Variants in CORO2A observed in about 807,000 individuals in gnomAD.
The protein encoded by CORO2A is coronin-2A.
Under a neutral mutation model 62.4 loss-of-function variants are expected in CORO2A, and 47 were observed. The observed-to-expected ratio is 0.75, with a 90% CI of 0.60 to 0.96. The LOEUF (loss-of-function observed/expected upper bound fraction) is 0.96. Ranked by LOEUF, CORO2A falls within the 40% of genes least tolerant of loss-of-function variation. CORO2A has a pLI of 0.00. For synonymous variants in CORO2A, 273 were observed against 268.9 expected (o/e 1.02, Z -0.15); for missense variants, 610 against 684.1 (o/e 0.89, Z 1.21).
At chr9:98,187,237 C>T (rs556509155) in intron 1 of CORO2A, among the ~76,000 whole-genome samples, 8 of 138,054 alleles carry the variant, frequency 5.8e-5, no homozygotes, top group East Asian at 4.4e-4. Flanking sequence ...GAGCCGAGAT[C>T]GTGCTGCTGC....
chr9:98,144,456 A>G (rs1006850012), intron 2 of CORO2A, among the ~76,000 whole-genome samples: 2 of 152,174 alleles, frequency 1.3e-5, no homozygotes, highest in Admixed American at 6.5e-5. Context: ...CATGGTTATC[A>G]TCATCATCAT....
chr9:98,157,690 G>A, intron 1 of CORO2A, 30 bp from the exon 2 acceptor site: 1 of 1,582,924 alleles, frequency 6.3e-7, no homozygotes, highest in East Asian at 2.2e-5. Flanking sequence ...CAAAGGGTAT[G>A]AGGCTCACTG....
intron 2 of CORO2A, among the ~76,000 whole-genome samples, chr9:98,150,583 C>T (rs1827709882): frequency 6.6e-6 from 1 of 152,194 alleles, no homozygotes; most frequent in Non-Finnish European, 1.5e-5. Context: ...CACTCTATCA[C>T]ATCACACCAA....
chr9:98,189,921 G>C (rs1406764000), intron 1 of CORO2A, among the ~76,000 whole-genome samples: 1 of 150,278 alleles, frequency 6.7e-6, no homozygotes, highest in East Asian at 1.9e-4. Flanking sequence ...GTCTCGCTCT[G>C]TCGCCCAGGC....
At chr9:98,187,992 A>G (rs2118947163) in intron 1 of CORO2A, among the ~76,000 whole-genome samples, 1 of 152,318 alleles carries the variant, frequency 6.6e-6, no homozygotes, top group Middle Eastern at 3.4e-3. Context: ...GCTCCGTCAT[A>G]CACTCGCAGG....
intron 8 of CORO2A, among the ~76,000 whole-genome samples, chr9:98,129,539 G>C (rs1174698823): frequency 6.6e-6 from 1 of 152,080 alleles, no homozygotes; most frequent in Non-Finnish European, 1.5e-5. Flanking sequence ...TCTCTCCCCT[G>C]CTGGGCTCTG....
Position 98,129,877 on chromosome 9 carries a change from A to G in CORO2A, c.884T>C (p.Ile295Thr). Residue 295 changes from isoleucine (I) to threonine (T), a missense_variant, in exon 8 of 12, where the codon ATC becomes ACC. Coordinates refer to ENST00000375077, the MANE Select transcript of CORO2A (RefSeq NM_052820.4). Reference sequence around the variant, plus strand: ...GTCGGCGCTCACCTCGTAGTAGCGGATGTTGCCATCTCCCTGAGGAGGAGG... The same window carrying G: ...GTCGGCGCTCACCTCGTAGTAGCGGGTGTTGCCATCTCCCTGAGGAGGAGG... ...LYVVGKGDGN[I>T]RYYEVSADKP... 1 of 1,613,778 alleles carries G rather than the reference A, an allele frequency of 6.2e-7. No homozygotes were observed. Among genetic ancestry groups the G allele is most frequent in the Non-Finnish European group, 8.5e-7 (1 of 1,179,798 alleles).
chr9:98,169,336 C>A (rs996154812), intron 1 of CORO2A, among the ~76,000 whole-genome samples: 3 of 152,076 alleles, frequency 2.0e-5, no homozygotes, highest in African/African-American at 7.2e-5. Context: ...TGAGGGAGTG[C>A]CTCCTCCCCA....
intron 2 of CORO2A, among the ~76,000 whole-genome samples, chr9:98,150,961 A>C (rs556150467): frequency 4.6e-5 from 7 of 152,284 alleles, no homozygotes; most frequent in African/African-American, 1.7e-4. Flanking sequence ...CCACTTCCTT[A>C]GGGTACTTCC....
At chr9:98,181,685 C>G (rs752457000) in intron 1 of CORO2A, among the ~76,000 whole-genome samples, 7 of 152,142 alleles carry the variant, frequency 4.6e-5, no homozygotes, top group Non-Finnish European at 1.0e-4. Flanking sequence ...TTTGGCAAGG[C>G]TGTTTCTCCT....
At chr9:98,142,345 C>G (rs1233567279) in intron 2 of CORO2A, among the ~76,000 whole-genome samples, 1 of 152,230 alleles carries the variant, frequency 6.6e-6, no homozygotes, top group African/African-American at 2.4e-5. Flanking sequence ...CCTCTGGTTC[C>G]CCAAGTGTGA....
rs1472764506 is a variant in CORO2A, at chr9:98,148,111, G to A, written c.201+9349C>T. ...AAAAAAAAAAAGAAAAAAAAAAAAA[G>A]AGGCCAGGCAAGGTGGTTCATGTCT... On this transcript the variant is annotated intron_variant, in intron 2 of 11. Transcript: ENST00000375077. Among the ~76,000 whole-genome samples, 18 of 140,480 alleles carry A rather than the reference G, an allele frequency of 1.3e-4. No homozygotes were observed. The East Asian group carries it at 3.3e-3, about 26-fold the overall frequency. The allele number at this position is 140,480 out of a possible 152,430, so 92.2% of individuals were successfully genotyped here. A position where few individuals can be genotyped will look rare whatever the true frequency, so the allele number is the denominator to read the frequency against.
At chr9:98,166,471 G>T (rs1330317055) in intron 1 of CORO2A, among the ~76,000 whole-genome samples, 4 of 152,202 alleles carry the variant, frequency 2.6e-5, no homozygotes, top group Non-Finnish European at 5.9e-5. Context: ...ATATGATAAG[G>T]TGTTAATGTT....
chr9:98,181,626 T>A (rs1451450686), intron 1 of CORO2A, among the ~76,000 whole-genome samples: 1 of 152,084 alleles, frequency 6.6e-6, no homozygotes, highest in Non-Finnish European at 1.5e-5. Context: ...GCTGCACACA[T>A]CACGGTGCTT....
At chr9:98,154,982 G>A (rs1308498606) in intron 2 of CORO2A, among the ~76,000 whole-genome samples, 1 of 152,202 alleles carries the variant, frequency 6.6e-6, no homozygotes, top group Non-Finnish European at 1.5e-5. Context: ...TGGGTCACAG[G>A]TATATGCATT....
chr9:98,163,064 C>T (rs1401607334), intron 1 of CORO2A, among the ~76,000 whole-genome samples: 1 of 152,264 alleles, frequency 6.6e-6, no homozygotes, highest in Non-Finnish European at 1.5e-5. Context: ...GGCATCCATT[C>T]TGCTGCTGTG....
chr9:98,172,102 TC>T (rs949273057), intron 1 of CORO2A, among the ~76,000 whole-genome samples: 15 of 152,080 alleles, frequency 9.9e-5, no homozygotes, highest in African/African-American at 3.6e-4. Context: ...GTGCTTGGAC[TC>T]AGGAGGAAAA....
chr9:98,127,418 GC>G (rs1044747461), intron 10 of CORO2A, among the ~76,000 whole-genome samples: 15 of 152,302 alleles, frequency 9.8e-5, no homozygotes, highest in African/African-American at 3.4e-4. Context: ...TGCTGGGCTG[GC>G]CCCCGTGTTG....
intron 1 of CORO2A, among the ~76,000 whole-genome samples, chr9:98,177,931 G>C (rs1026006804): frequency 2.0e-5 from 3 of 152,154 alleles, no homozygotes; most frequent in Admixed American, 6.5e-5. Context: ...TGACAAACTT[G>C]TCAGACTTAT....
Sources: gnomAD v4.1 joint callset for allele counts (sites outside exome capture counted in the v4.1 genomes callset) on GRCh38, gnomAD v4.1.1 for gene constraint, MANE v1.5 for transcripts, NCBI Gene and HGNC (gene_info 2026-07-23, HGNC 2026-07-21) for gene names.